The following MCTP1 variants were observed in gnomAD, a reference collection of about 807,000 sequenced individuals.
The protein encoded by MCTP1 is multiple C2 and transmembrane domain containing 1, also known as multiple C2 and transmembrane domain-containing protein 1.
In MCTP1, 69 loss-of-function variants were observed where a neutral mutation model predicts 120.6. The observed-to-expected ratio is 0.57, with a 90% CI of 0.47 to 0.70. MCTP1 has a LOEUF of 0.70. MCTP1 is among the 30% of genes least tolerant of loss of function. The pLI, the probability that MCTP1 is intolerant of heterozygous loss-of-function variation, is 0.00. For missense variants in MCTP1, 1,203 were observed against 1,248.8 expected (o/e 0.96, Z 0.55); for synonymous variants, 529 against 493.1 (o/e 1.07, Z -0.96).
chr5:95,085,388 T>C (rs1472310498), intron 1 of MCTP1, among the ~76,000 whole-genome samples: 1 of 136,914 alleles, frequency 7.3e-6, no homozygotes, highest in Non-Finnish European at 1.5e-5. Context: ...AATATAATAG[T>C]GTATAGATCC....
chr5:95,257,525 T>C (rs1363849153), intron 1 of MCTP1, among the ~76,000 whole-genome samples: 1 of 152,182 alleles, frequency 6.6e-6, no homozygotes, highest in African/African-American at 2.4e-5. Context: ...ATAGATTATA[T>C]ACACATACAA....
At chr5:94,959,688 A>G (rs902424038) in intron 2 of MCTP1, among the ~76,000 whole-genome samples, 5 of 152,298 alleles carry the variant, frequency 3.3e-5, no homozygotes, top group Admixed American at 3.3e-4. Context: ...AAGAGAATAC[A>G]ATACCTAGGA....
At chr5:94,935,799 G>C (rs1354796753) in intron 5 of MCTP1, among the ~76,000 whole-genome samples, 1 of 151,966 alleles carries the variant, frequency 6.6e-6, no homozygotes, top group African/African-American at 2.4e-5. Context: ...ATTTTCTGGG[G>C]ATTGTGAAGC....
intron 17 of MCTP1, among the ~76,000 whole-genome samples, chr5:94,819,922 T>G (rs1003572655): frequency 1.3e-5 from 2 of 152,246 alleles, no homozygotes; most frequent in African/African-American, 4.8e-5. Context: ...ATCCAATGAT[T>G]AATGATCCTA....
rs578140528 is a variant in MCTP1, at chr5:95,244,508, C to G, written c.720+39348G>C. 3.3e-3 allele frequency among the ~76,000 whole-genome samples: 496 copies of G among 152,310 alleles called. 1 individual carries two copies. Among genetic ancestry groups the G allele is most frequent in the South Asian group, 8.1e-3 (39 of 4,830 alleles). On this transcript the variant is annotated intron_variant, in intron 1 of 22. Coordinates refer to ENST00000515393, the MANE Select transcript of MCTP1 (RefSeq NM_024717.7). ...GCTCTTTTCCCATGGTCTTAGCAAC[C>G]GGCAGACCAGGAGATACCCTCCTAT...
chr5:94,907,276 A>C (rs966572292), intron 10 of MCTP1, among the ~76,000 whole-genome samples: 2 of 152,200 alleles, frequency 1.3e-5, no homozygotes, highest in African/African-American at 4.8e-5. Flanking sequence ...TTTCTGCAAA[A>C]GGCAACCTTG....
At chr5:95,131,389 T>C (rs1759035170) in intron 1 of MCTP1, among the ~76,000 whole-genome samples, 1 of 152,160 alleles carries the variant, frequency 6.6e-6, no homozygotes, top group Non-Finnish European at 1.5e-5. Flanking sequence ...CTGATTCTGT[T>C]CATGTGGCTA....
chr5:94,987,885 CAA>C (rs1207715460), intron 2 of MCTP1, among the ~76,000 whole-genome samples: 1 of 152,298 alleles, frequency 6.6e-6, no homozygotes, highest in South Asian at 2.1e-4. Flanking sequence ...TGGTTTTACA[CAA>C]AGAGTTTGTG....
At chr5:95,190,970 C>T (rs1749764078) in intron 1 of MCTP1, among the ~76,000 whole-genome samples, 1 of 151,884 alleles carries the variant, frequency 6.6e-6, no homozygotes, top group Non-Finnish European at 1.5e-5. Context: ...AATGTGAAAC[C>T]AGTCAGTCAA....
At chr5:95,268,502 G>A (rs915353491) in intron 1 of MCTP1, among the ~76,000 whole-genome samples, 7 of 152,184 alleles carry the variant, frequency 4.6e-5, no homozygotes, top group African/African-American at 1.4e-4. Context: ...AAAGTTATAG[G>A]AAATAGACAC....
chr5:95,170,497 GT>G (rs1383036004), intron 1 of MCTP1, among the ~76,000 whole-genome samples: 2 of 152,156 alleles, frequency 1.3e-5, no homozygotes, highest in Non-Finnish European at 2.9e-5. Context: ...TCTGTCTAAT[GT>G]TGACAGTGGG....
intron 1 of MCTP1, among the ~76,000 whole-genome samples, chr5:95,241,404 G>C (rs534808890): frequency 6.6e-6 from 1 of 152,226 alleles, no homozygotes; most frequent in East Asian, 1.9e-4. Context: ...AGTCTGCATA[G>C]GAAGATAACT....
intron 1 of MCTP1, among the ~76,000 whole-genome samples, chr5:95,218,388 T>A (rs550560191): frequency 6.6e-6 from 1 of 152,312 alleles, no homozygotes; most frequent in East Asian, 1.9e-4. Context: ...ATCCTTTCTC[T>A]TTGTTTCTTT....
intron 10 of MCTP1, among the ~76,000 whole-genome samples, chr5:94,906,008 C>T (rs547631336): frequency 2.7e-5 from 4 of 148,580 alleles, no homozygotes; most frequent in African/African-American, 7.4e-5. Flanking sequence ...GGAAGGCAAG[C>T]GAAAAATGTG....
intron 1 of MCTP1, among the ~76,000 whole-genome samples, chr5:95,110,951 C>G (rs974909461): frequency 4.6e-5 from 7 of 152,150 alleles, no homozygotes; most frequent in African/African-American, 1.7e-4. Context: ...GTCAGCAAAA[C>G]AACCCTCTTT....
At chr5:95,059,603 C>CA (rs1176634023) in intron 1 of MCTP1, among the ~76,000 whole-genome samples, 3 of 151,232 alleles carry the variant, frequency 2.0e-5, no homozygotes, top group Non-Finnish European at 3.0e-5. Context: ...AGGTCAAATA[C>CA]AAAAAAAAGA....
chr5:95,217,937 C>T (rs151040396), intron 1 of MCTP1, among the ~76,000 whole-genome samples: 2 of 152,166 alleles, frequency 1.3e-5, no homozygotes, highest in South Asian at 2.1e-4. Flanking sequence ...TAGATATACC[C>T]CCCTGCCTCC....
chr5:94,831,987 G>A (rs1244984307), intron 17 of MCTP1, among the ~76,000 whole-genome samples: 1 of 152,110 alleles, frequency 6.6e-6, no homozygotes, highest in East Asian at 1.9e-4. Context: ...AAGAAGAAAC[G>A]CTTCTACGGA....
chr5:95,202,087 G>A (rs932131266), intron 1 of MCTP1, among the ~76,000 whole-genome samples: 7 of 152,130 alleles, frequency 4.6e-5, no homozygotes, highest in Admixed American at 6.5e-5. Flanking sequence ...ACTGGTAAGT[G>A]GGTCAGTGGC....
Sources: gnomAD v4.1 joint callset for allele counts (sites outside exome capture counted in the v4.1 genomes callset) on GRCh38, gnomAD v4.1.1 for gene constraint, MANE v1.5 for transcripts, NCBI Gene and HGNC (gene_info 2026-07-23, HGNC 2026-07-21) for gene names.